Variants in BAZ2B observed in about 807,000 individuals in gnomAD.
BAZ2B encodes bromodomain adjacent to zinc finger domain protein 2B.
A neutral mutation model predicts 246.0 loss-of-function variants in BAZ2B; 91 were observed. That is an observed-to-expected ratio of 0.37 (90% CI 0.31 to 0.44). BAZ2B has a LOEUF of 0.44. Among genes scored for constraint, BAZ2B ranks in the 20% least tolerant of loss-of-function variants. The pLI is 1.00. For synonymous variants in BAZ2B, 855 were observed against 860.0 expected, an observed-to-expected ratio of 0.99 and a Z score of 0.10; for missense variants, 2,332 against 2,533.7, an observed-to-expected ratio of 0.92 and a Z score of 1.71.
chr2:159,333,495 G>A (rs2065122600), intron 33 of BAZ2B, among the ~76,000 whole-genome samples: 1 of 151,896 alleles, frequency 6.6e-6, no homozygotes, highest in Admixed American at 6.6e-5. Context: ...AAGGAAAGAA[G>A]AAAAGTTAGA....
chr2:159,374,242 C>T (rs73967851), intron 26 of BAZ2B, among the ~76,000 whole-genome samples: 2,391 of 151,936 alleles, frequency 0.016, 73 homozygotes, highest in African/African-American at 0.055. Flanking sequence ...AATACATCCA[C>T]AGTTTACAAA....
intron 1 of BAZ2B, among the ~76,000 whole-genome samples, chr2:159,582,455 G>A (rs1687056741): frequency 6.6e-6 from 1 of 152,192 alleles, no homozygotes; most frequent in South Asian, 2.1e-4. Flanking sequence ...CTGGAGTGGT[G>A]TGCGATCACG....
chr2:159,457,549 T>C (rs904197041), intron 3 of BAZ2B, among the ~76,000 whole-genome samples: 3 of 152,206 alleles, frequency 2.0e-5, no homozygotes, highest in African/African-American at 7.2e-5. Context: ...TTTGCCTTAT[T>C]TCCTCAACCC....
rs1453572355 is a variant in BAZ2B at position 159,519,258 on chromosome 2, T to G, written c.-3+36565A>C. Among the ~76,000 whole-genome samples the G allele has an allele frequency of 2.5e-5, 3 of 119,326 alleles. No individual in the cohort carries two copies. The East Asian group carries it at 7.9e-4, about 31-fold the overall frequency. 78.3% of individuals were successfully genotyped at this position (119,326 alleles called of 152,430 possible). On this transcript the variant is annotated intron_variant, in intron 2 of 36. Coordinates refer to ENST00000392783, the MANE Select transcript of BAZ2B (RefSeq NM_013450.4). ...TTTTTTTTGAGACGGAGTCTCGCTCTGTCGCCCAGGCCGGACTGCGGACTG... is the reference window on the plus strand; with the variant it reads ...TTTTTTTTGAGACGGAGTCTCGCTCGGTCGCCCAGGCCGGACTGCGGACTG...
chr2:159,642,162 G>A, the BAZ2B span, among the ~76,000 whole-genome samples: 2 of 151,450 alleles, frequency 1.3e-5, no homozygotes, highest in South Asian at 2.1e-4. Context: ...GAATTTTGAC[G>A]AGAATGTTTC....
the BAZ2B span, chr2:159,712,174 C>G: frequency 1.3e-5 from 2 of 152,036 alleles, no homozygotes; most frequent in African/African-American, 4.8e-5. Context: ...GGGCGGGGAC[C>G]CGGCGCCCGG....
the BAZ2B span, among the ~76,000 whole-genome samples, chr2:159,661,342 T>C: frequency 6.6e-6 from 1 of 152,212 alleles, no homozygotes; most frequent in African/African-American, 2.4e-5. Context: ...CATTAACCTG[T>C]TGGTGGACAT....
At position 159,373,112 on chromosome 2, in the gene BAZ2B, G is replaced by A; in HGVS notation, c.4146C>T (p.Tyr1382=). ...LRSVMFGQDR[Y]RRRYWILPQC... ...GGGGAAGAATCCAGTACCGGCGTCT[G>A]TAACGATCTTGGCCAAACATCACTG... The change falls in exon 27 of 37, where the codon TAC becomes TAT. Residue 1382 remains tyrosine (Y), a synonymous_variant. Transcript: ENST00000392783. 3 of 1,614,076 alleles carry A rather than the reference G, an allele frequency of 1.9e-6. No homozygotes were observed. The highest frequency in any genetic ancestry group is 1.1e-5 in the South Asian group (1 of 91,082).
intron 2 of BAZ2B, among the ~76,000 whole-genome samples, chr2:159,482,796 CT>C: frequency 1.3e-5 from 2 of 152,148 alleles, no homozygotes; most frequent in Admixed American, 1.3e-4. Flanking sequence ...TCATGAGTTA[CT>C]ATTTATAATT....
At chr2:159,696,103 A>C in the BAZ2B span, among the ~76,000 whole-genome samples, 1 of 152,160 alleles carries the variant, frequency 6.6e-6, no homozygotes, top group African/African-American at 2.4e-5. Flanking sequence ...AGGGGGTTAT[A>C]GGTATTTTCA....
chr2:159,441,113 C>T (rs1201819083), intron 6 of BAZ2B, among the ~76,000 whole-genome samples: 2 of 152,116 alleles, frequency 1.3e-5, no homozygotes, highest in Admixed American at 1.3e-4. Flanking sequence ...GCATGTATAG[C>T]AAGACCACGA....
At chr2:159,712,093 GAA>G in the BAZ2B span, 45,938 of 123,292 alleles carry the variant, frequency 0.37, 8,152 homozygotes, top group Middle Eastern at 0.52. Context: ...GCCAGAAAAA[GAA>G]AAAAAAAAAA....
At chr2:159,674,347 A>G in the BAZ2B span, among the ~76,000 whole-genome samples, 12 of 151,256 alleles carry the variant, frequency 7.9e-5, no homozygotes, top group Non-Finnish European at 1.3e-4. Context: ...AAAAAAAAAA[A>G]AAAGAAAGAA....
At chr2:159,329,136 GAA>G (rs567964390) in intron 34 of BAZ2B, among the ~76,000 whole-genome samples, 12 of 73,436 alleles carry the variant, frequency 1.6e-4, no homozygotes, top group Non-Finnish European at 3.1e-4. Context: ...GTCTTAATAG[GAA>G]AAAAAAAAAA....
intron 20 of BAZ2B, chr2:159,395,353 C>G (rs921255493): frequency 6.5e-6 from 1 of 152,766 alleles, no homozygotes; most frequent in Non-Finnish European, 1.5e-5. Context: ...AAGAAAAGTA[C>G]TTAGCCTAAT....
intron 21 of BAZ2B, among the ~76,000 whole-genome samples, chr2:159,387,753 T>C (rs1422999945): frequency 6.6e-6 from 1 of 152,110 alleles, no homozygotes; most frequent in Non-Finnish European, 1.5e-5. Flanking sequence ...ATATAGTACA[T>C]ATGAATTTAA....
At chr2:159,431,706 T>C (rs915139264) in intron 9 of BAZ2B, among the ~76,000 whole-genome samples, 2 of 152,188 alleles carry the variant, frequency 1.3e-5, no homozygotes, top group Non-Finnish European at 2.9e-5. Flanking sequence ...GAAATAATTA[T>C]AGTAGGATAA....
intron 9 of BAZ2B, 34 bp from the exon 10 acceptor site, chr2:159,431,190 C>T: frequency 6.4e-7 from 1 of 1,559,292 alleles, no homozygotes; most frequent in Non-Finnish European, 8.7e-7. Flanking sequence ...TATATTATAA[C>T]TAGATAATCA....
At chr2:159,704,944 C>T in the BAZ2B span, among the ~76,000 whole-genome samples, 497 of 152,036 alleles carry the variant, frequency 3.3e-3, 7 homozygotes, top group South Asian at 0.023. Context: ...CCTCGTGATC[C>T]GCCCAGTTCG....
Sources: allele counts gnomAD v4.1 joint callset (sites outside exome capture counted in the v4.1 genomes callset), GRCh38; gene constraint gnomAD v4.1.1; transcripts MANE v1.5; gene names NCBI Gene and HGNC (gene_info 2026-07-23, HGNC 2026-07-21).